The following SCMH1 variants were observed in gnomAD, a reference collection of about 807,000 sequenced individuals.
The protein encoded by SCMH1 is Scm polycomb group protein homolog 1.
In SCMH1, 37 loss-of-function variants were observed where a neutral mutation model predicts 70.8. The observed-to-expected ratio is 0.52, with a 90% CI of 0.40 to 0.69. The LOEUF (loss-of-function observed/expected upper bound fraction) is 0.69, where lower values mean the gene tolerates loss of function less well. Among genes scored for constraint, SCMH1 ranks in the 30% least tolerant of loss-of-function variants. The pLI, the probability that SCMH1 is intolerant of heterozygous loss-of-function variation, is 0.00. For missense variants in SCMH1, 607 were observed against 827.3 expected, an observed-to-expected ratio of 0.73 and a Z score of 3.27; for synonymous variants, 292 against 307.4, an observed-to-expected ratio of 0.95 and a Z score of 0.52.
chr1:41,158,910 A>C (rs893673075), intron 4 of SCMH1, among the ~76,000 whole-genome samples: 1 of 152,210 alleles, frequency 6.6e-6, no homozygotes, highest in Non-Finnish European at 1.5e-5. Context: ...ATATGGCCAG[A>C]AAGTCAGAGG....
chr1:41,040,757 G>A (rs372208198), intron 12 of SCMH1, among the ~76,000 whole-genome samples: 4 of 152,062 alleles, frequency 2.6e-5, no homozygotes, highest in South Asian at 4.2e-4. Context: ...CCAGCTACTC[G>A]GGAGGCTGAG....
chr1:41,069,811 G>A (rs530914565), intron 10 of SCMH1, among the ~76,000 whole-genome samples: 34 of 152,178 alleles, frequency 2.2e-4, no homozygotes, highest in African/African-American at 7.2e-4. Context: ...ATCTTCTATC[G>A]GTTATGGGAA....
chr1:41,193,724 G>C (rs1470686191), intron 1 of SCMH1, among the ~76,000 whole-genome samples: 1 of 152,174 alleles, frequency 6.6e-6, no homozygotes, highest in East Asian at 1.9e-4. Context: ...ACAGATGACA[G>C]AAACTGAATG....
At chr1:41,088,601 A>C (rs1662409690) in intron 8 of SCMH1, among the ~76,000 whole-genome samples, 1 of 152,150 alleles carries the variant, frequency 6.6e-6, no homozygotes, top group African/African-American at 2.4e-5. Flanking sequence ...CTGAGTAGCT[A>C]GCTGGGACTA....
intron 6 of SCMH1, among the ~76,000 whole-genome samples, chr1:41,127,950 CT>C (rs1673644672): frequency 6.6e-6 from 1 of 152,110 alleles, no homozygotes; most frequent in African/African-American, 2.4e-5. Flanking sequence ...AAAAAAAATC[CT>C]GTTGTTTAAA....
intron 8 of SCMH1, among the ~76,000 whole-genome samples, chr1:41,102,922 A>G (rs561840970): frequency 6.6e-6 from 1 of 152,106 alleles, no homozygotes; most frequent in Non-Finnish European, 1.5e-5. Context: ...ACAGCTTACA[A>G]CCACAATCCT....
intron 8 of SCMH1, among the ~76,000 whole-genome samples, chr1:41,095,226 A>G (rs1664761954): frequency 6.6e-6 from 1 of 152,192 alleles, no homozygotes; most frequent in Non-Finnish European, 1.5e-5. Flanking sequence ...ATACTCTAGC[A>G]TTTGATTCTA....
intron 10 of SCMH1, among the ~76,000 whole-genome samples, chr1:41,050,725 C>T (rs1368822457): frequency 2.0e-5 from 3 of 152,122 alleles, no homozygotes; most frequent in East Asian, 3.9e-4. Flanking sequence ...GGAAACGTAG[C>T]GACTGACTCA....
rs1414614386 is a variant in SCMH1 at position 41,044,669 on chromosome 1, GGGAA to G, written c.1498+1734_1498+1737del. Among the ~76,000 whole-genome samples the G allele has an allele frequency of 4.6e-5, 7 of 152,188 alleles. No homozygotes were observed. In the South Asian group the frequency reaches 6.2e-4, roughly 14 times the overall value. On this transcript the variant is annotated intron_variant, in intron 12 of 14. Coordinates refer to ENST00000337495, the Ensembl canonical transcript of SCMH1. ...AGTGGGCTCAATCTGTCTGAAAATGGGGAAGGGAGAGGTAGCAGCTAATGGCAGA... is the reference window on the plus strand; with the variant it reads ...AGTGGGCTCAATCTGTCTGAAAATGGGGGAGAGGTAGCAGCTAATGGCAGA...
intron 12 of SCMH1, among the ~76,000 whole-genome samples, chr1:41,039,114 T>C (rs1645729957): frequency 6.6e-6 from 1 of 152,260 alleles, no homozygotes; most frequent in Non-Finnish European, 1.5e-5. Flanking sequence ...TTTCAGCATT[T>C]ATCAGCAGGG....
At chr1:41,082,133 T>A (rs761757386) in intron 8 of SCMH1, among the ~76,000 whole-genome samples, 32 of 152,224 alleles carry the variant, frequency 2.1e-4, no homozygotes, top group Non-Finnish European at 3.8e-4. Context: ...CAAAGATTTA[T>A]TAAAACAGGA....
chr1:41,058,143 A>C (rs1379795147), intron 10 of SCMH1, among the ~76,000 whole-genome samples: 3 of 133,540 alleles, frequency 2.2e-5, no homozygotes, highest in African/African-American at 7.5e-5. Flanking sequence ...AAAGAAAAAG[A>C]AAAAAAATGA....
At chr1:41,236,358 C>T (rs753577183) in intron 1 of SCMH1, among the ~76,000 whole-genome samples, 11 of 152,120 alleles carry the variant, frequency 7.2e-5, no homozygotes, top group Non-Finnish European at 1.6e-4. Context: ...AGTATGTTCT[C>T]CATGACTCAG....
intron 2 of SCMH1, among the ~76,000 whole-genome samples, chr1:41,172,991 A>C (rs2148520595): frequency 1.3e-5 from 2 of 152,330 alleles, no homozygotes; most frequent in Middle Eastern, 6.8e-3. Flanking sequence ...TACTAGAAAA[A>C]AAATGTAGGA....
At chr1:41,214,937 A>G (rs1657784059) in intron 1 of SCMH1, among the ~76,000 whole-genome samples, 1 of 152,200 alleles carries the variant, frequency 6.6e-6, no homozygotes, top group Non-Finnish European at 1.5e-5. Flanking sequence ...CGCTTCTTCA[A>G]AATGCTAAAC....
intron 1 of SCMH1, among the ~76,000 whole-genome samples, chr1:41,234,561 G>A (rs12127194): frequency 7.4e-6 from 1 of 135,234 alleles, no homozygotes; most frequent in South Asian, 2.4e-4. Context: ...TCCGCCTCCC[G>A]CCTCCCACGT....
chr1:41,033,000 G>C (rs1260001485), intron 13 of SCMH1, among the ~76,000 whole-genome samples: 2 of 149,362 alleles, frequency 1.3e-5, no homozygotes, highest in South Asian at 2.1e-4. Flanking sequence ...AAAAAAGACA[G>C]AGGCTATTAG....
At chr1:41,093,982 T>C (rs189310786) in intron 8 of SCMH1, among the ~76,000 whole-genome samples, 313 of 152,320 alleles carry the variant, frequency 2.1e-3, no homozygotes, top group Admixed American at 3.2e-3. Flanking sequence ...TTTGTCTTGT[T>C]AGTCATTCTT....
At chr1:41,242,200 G>C (rs1466778867), upstream of SCMH1, 2 of 145,706 alleles carry the variant, frequency 1.4e-5, no homozygotes, top group Non-Finnish European at 3.1e-5. The surrounding 1 kb of genome is among the most constrained non-coding windows in gnomAD (Gnocchi z 5.2). Flanking sequence ...GGGCTCCACC[G>C]AGCTGGCGGT....
Sources: allele counts gnomAD v4.1 joint callset (sites outside exome capture counted in the v4.1 genomes callset), GRCh38; gene constraint gnomAD v4.1.1; non-coding constraint Gnocchi (gnomAD v3.1); transcripts MANE v1.5; gene names NCBI Gene and HGNC (gene_info 2026-07-23, HGNC 2026-07-21).